Variants in ASAP3 observed in about 807,000 individuals in gnomAD.
ASAP3 encodes the protein arf-GAP with SH3 domain, ANK repeat and PH domain-containing protein 3.
ASAP3 carries 85 observed loss-of-function variants against 118.2 expected under a neutral mutation model. The ratio of observed to expected loss-of-function variants is 0.72; its 90% CI spans 0.60 to 0.86. The LOEUF (loss-of-function observed/expected upper bound fraction) is 0.86, where lower values mean the gene tolerates loss of function less well. ASAP3 is among the 40% of genes least tolerant of loss of function. The pLI is 0.00. For synonymous variants in ASAP3, 432 were observed against 477.4 expected (o/e 0.90, Z 1.24); for missense variants, 1,026 against 1,175.0 (o/e 0.87, Z 1.85).
chr1:23,439,498 T>C (rs1287177684), intron 10 of ASAP3, among the ~76,000 whole-genome samples: 5 of 152,184 alleles, frequency 3.3e-5, no homozygotes, highest in Non-Finnish European at 7.3e-5. Context: ...AAGGGGATGA[T>C]GTGACTTTGG....
intron 3 of ASAP3, among the ~76,000 whole-genome samples, chr1:23,453,223 G>C (rs1461774808): frequency 6.6e-6 from 1 of 152,140 alleles, no homozygotes; most frequent in Non-Finnish European, 1.5e-5. Flanking sequence ...GTTGTTCTGG[G>C]CTGGCTAACG....
intron 1 of ASAP3, among the ~76,000 whole-genome samples, chr1:23,478,022 T>C (rs1642189077): frequency 6.6e-6 from 1 of 152,204 alleles, no homozygotes; most frequent in Non-Finnish European, 1.5e-5. Context: ...CCAGGCACTA[T>C]GCTGGCAGGG....
Position 23,429,628 on chromosome 1 carries a change from A to C in ASAP3, c.*228T>G. 1 of 443,872 alleles carries C rather than the reference A, an allele frequency of 2.3e-6. No homozygotes were observed. The highest frequency in any genetic ancestry group is 4.1e-6 in the Non-Finnish European group (1 of 246,902). The allele number at this position is 443,872 out of a possible 1,614,324, so 27.5% of individuals were successfully genotyped here. A position where few individuals can be genotyped will look rare whatever the true frequency, so the allele number is the denominator to read the frequency against. ...CCAGCCACAGGGCTCCCAGGCCCCTAGCGGGTAATGAGATAGGAAAGAACC... is the reference window on the plus strand; with the variant it reads ...CCAGCCACAGGGCTCCCAGGCCCCTCGCGGGTAATGAGATAGGAAAGAACC... On this transcript the variant is annotated 3_prime_UTR_variant, in exon 25 of 25. Coordinates refer to ENST00000336689, the MANE Select transcript of ASAP3 (RefSeq NM_017707.4).
chr1:23,458,192 A>C (rs2148640503), intron 1 of ASAP3, among the ~76,000 whole-genome samples: 1 of 152,294 alleles, frequency 6.6e-6, no homozygotes, highest in East Asian at 1.9e-4. Context: ...AGTTGGTTAA[A>C]ACATGAGGCT....
intron 3 of ASAP3, among the ~76,000 whole-genome samples, chr1:23,455,492 G>A (rs1378568063): frequency 6.6e-6 from 1 of 152,186 alleles, no homozygotes; most frequent in Non-Finnish European, 1.5e-5. Flanking sequence ...AGGGAGTGAG[G>A]AGAGGAGGAG....
intron 7 of ASAP3, 141 bp from the exon 8 acceptor site, chr1:23,441,871 T>C (rs1413942257): frequency 8.3e-6 from 7 of 847,060 alleles, no homozygotes; most frequent in Non-Finnish European, 1.3e-5. Flanking sequence ...AGACACTCCA[T>C]AGACAAGAGT....
At chr1:23,442,318 T>C (rs775191803) in intron 6 of ASAP3, 47 bp from the exon 7 acceptor site, 2 of 1,578,902 alleles carry the variant, frequency 1.3e-6, no homozygotes, top group East Asian at 4.6e-5. Flanking sequence ...TGAAGCAGAA[T>C]CCTGGGAACG....
At chr1:23,446,088 C>G (rs780087439) in intron 5 of ASAP3, among the ~76,000 whole-genome samples, 6 of 152,130 alleles carry the variant, frequency 3.9e-5, no homozygotes, top group Admixed American at 2.0e-4. Context: ...CTTTAGCATC[C>G]TCAGATTTTG....
At chr1:23,478,903 T>C (rs1390641337) in intron 1 of ASAP3, among the ~76,000 whole-genome samples, 3 of 152,196 alleles carry the variant, frequency 2.0e-5, no homozygotes, top group Non-Finnish European at 4.4e-5. Context: ...CCCTGGAACC[T>C]GGACTGTGTG....
chr1:23,484,238 C>T (rs1315125424), upstream of ASAP3: 1 of 1,097,444 alleles, frequency 9.1e-7, no homozygotes, highest in African/African-American at 1.7e-5. Context: ...CCGGCCTCCA[C>T]ACGCCCCGCC....
intron 5 of ASAP3, among the ~76,000 whole-genome samples, chr1:23,450,889 T>A (rs543601530): frequency 7.2e-5 from 11 of 152,302 alleles, no homozygotes; most frequent in Non-Finnish European, 1.3e-4. Context: ...CCAGGAGGAA[T>A]TGGCCACTGG....
chr1:23,463,329 T>A (rs896460317), intron 1 of ASAP3, among the ~76,000 whole-genome samples: 1 of 151,596 alleles, frequency 6.6e-6, no homozygotes, highest in African/African-American at 2.4e-5. Context: ...TCCTGTGGTA[T>A]AATAGGGCTC....
At chr1:23,443,987 T>C (rs1640963730) in intron 5 of ASAP3, among the ~76,000 whole-genome samples, 1 of 152,112 alleles carries the variant, frequency 6.6e-6, no homozygotes, top group African/African-American at 2.4e-5. Context: ...CCTCCCAAAG[T>C]GCTGGGATTA....
chr1:23,456,397 C>T (rs1570377109), intron 1 of ASAP3, among the ~76,000 whole-genome samples: 1 of 152,158 alleles, frequency 6.6e-6, no homozygotes, highest in East Asian at 1.9e-4. Flanking sequence ...AGACCAGTCA[C>T]ACCACTCCAA....
intron 1 of ASAP3, among the ~76,000 whole-genome samples, chr1:23,468,583 C>T (rs555216506): frequency 2.6e-5 from 4 of 152,082 alleles, no homozygotes; most frequent in Non-Finnish European, 5.9e-5. Context: ...GCTAAAAATA[C>T]AACGTTTGGC....
rs531060237 is a variant in ASAP3 at position 23,432,830 on chromosome 1, AT to A, written c.2323+246del. ...TCGTTTCTCTCTTGTTAAGTGGAGC[AT>A]TGAGGAATTTGGAATAAGATGGGCT... is the stretch of plus-strand genomic sequence containing the variant. On this transcript the variant is annotated intron_variant, in intron 22 of 24. Coordinates refer to ENST00000336689, the MANE Select transcript of ASAP3 (RefSeq NM_017707.4). Among the ~76,000 whole-genome samples the A allele has an allele frequency of 5.1e-3, 774 of 152,290 alleles. 9 individuals are homozygous for A. The highest frequency in any genetic ancestry group is 0.017 in the African/African-American group (717 of 41,560).
At chr1:23,450,260 G>A (rs1473671700) in intron 5 of ASAP3, among the ~76,000 whole-genome samples, 1 of 152,130 alleles carries the variant, frequency 6.6e-6, no homozygotes, top group East Asian at 1.9e-4. Context: ...ATTATGAGTA[G>A]GGACAAATAT....
chr1:23,454,026 A>AT (rs1221814523), intron 3 of ASAP3, among the ~76,000 whole-genome samples: 158 of 147,322 alleles, frequency 1.1e-3, no homozygotes, highest in African/African-American at 3.1e-3. Flanking sequence ...CTCAAACACT[A>AT]TTTTTTTTTT....
rs538685075 is a variant in ASAP3, at chr1:23,474,103, G to A, written c.129+9902C>T. ...CTGCCTCAGCCTCCTGAGTAGCTGGGATTACAGGTGCCTGCCACCATGGCT... is the reference window on the plus strand; with the variant it reads ...CTGCCTCAGCCTCCTGAGTAGCTGGAATTACAGGTGCCTGCCACCATGGCT... On this transcript the variant is annotated intron_variant, in intron 1 of 24. Transcript: ENST00000336689. Among the ~76,000 whole-genome samples, 14 of 150,556 alleles carry A rather than the reference G, an allele frequency of 9.3e-5. No individual in the cohort carries two copies. The South Asian group carries it at 2.9e-3, about 31-fold the overall frequency.
Sources: allele counts gnomAD v4.1 joint callset (sites outside exome capture counted in the v4.1 genomes callset), GRCh38; gene constraint gnomAD v4.1.1; transcripts MANE v1.5; gene names NCBI Gene and HGNC (gene_info 2026-07-23, HGNC 2026-07-21).